Variants in CDC40 observed in about 807,000 individuals in gnomAD.
CDC40 encodes the protein cell division cycle 40, also known as pre-mRNA-processing factor 17.
A neutral mutation model predicts 80.6 loss-of-function variants in CDC40; 27 were observed. That is an observed-to-expected ratio of 0.33 (90% CI 0.25 to 0.46). The LOEUF (loss-of-function observed/expected upper bound fraction) is 0.46. CDC40 is among the 20% of genes least tolerant of loss of function. The probability of loss-of-function intolerance (pLI) is 1.00; values close to 1 mark genes in which losing one functional copy is unlikely to be tolerated. For synonymous variants in CDC40, 221 were observed against 232.6 expected (o/e 0.95, Z 0.45); for missense variants, 486 against 694.1 (o/e 0.70, Z 3.37).
chr6:110,197,867 A>G (rs1348355700), intron 2 of CDC40, among the ~76,000 whole-genome samples: 1 of 152,130 alleles, frequency 6.6e-6, no homozygotes, highest in East Asian at 1.9e-4. Context: ...GGGAATACAG[A>G]TATCTCTTTG....
At chr6:110,196,482 C>CA (rs1187885935) in intron 2 of CDC40, among the ~76,000 whole-genome samples, 1 of 151,980 alleles carries the variant, frequency 6.6e-6, no homozygotes, top group Admixed American at 6.6e-5. Context: ...TCTGCTTAGA[C>CA]AAAAATGTAT....
chr6:110,203,267 C>G (rs915650307), intron 3 of CDC40, among the ~76,000 whole-genome samples: 2 of 152,120 alleles, frequency 1.3e-5, no homozygotes, highest in Non-Finnish European at 2.9e-5. Flanking sequence ...TATATGACTT[C>G]TATTAGTTTG....
Position 110,231,523 on chromosome 6 carries a change from C to T in CDC40, c.*1392C>T, listed in dbSNP as rs1157170448. On this transcript the variant is annotated 3_prime_UTR_variant, in exon 15 of 15. Transcript: ENST00000307731. ...TCAAAAAATAAAATCAAGATAACCTCTTGAATGTAATAGCTCATAGCACTT... is the reference window on the plus strand; with the variant it reads ...TCAAAAAATAAAATCAAGATAACCTTTTGAATGTAATAGCTCATAGCACTT... 2 of 152,264 alleles carry T rather than the reference C, an allele frequency of 1.3e-5. No individual in the cohort carries two copies. The highest frequency in any genetic ancestry group is 6.5e-5 in the Admixed American group (1 of 15,282). 9.4% of individuals were successfully genotyped at this position (152,264 alleles called of 1,614,324 possible).
intron 10 of CDC40, among the ~76,000 whole-genome samples, chr6:110,218,118 TAACAG>T (rs1043613023): frequency 2.7e-4 from 41 of 152,314 alleles, no homozygotes; most frequent in African/African-American, 9.1e-4. Flanking sequence ...GCATTGCACA[TAACAG>T]AAGTGCAATA....
intron 2 of CDC40, among the ~76,000 whole-genome samples, chr6:110,199,526 A>G (rs143882484): frequency 0.072 from 10,960 of 151,418 alleles, 532 homozygotes; most frequent in African/African-American, 0.14. Flanking sequence ...CCCGGGAGGC[A>G]GAGCTTGCAG....
chr6:110,198,081 A>G, intron 2 of CDC40, among the ~76,000 whole-genome samples: 1 of 151,964 alleles, frequency 6.6e-6, no homozygotes, highest in East Asian at 1.9e-4. Context: ...TATCGTTTTT[A>G]TAATAGCTAC....
chr6:110,218,647 T>C (rs1171667382), intron 10 of CDC40, among the ~76,000 whole-genome samples: 2 of 152,194 alleles, frequency 1.3e-5, no homozygotes, highest in African/African-American at 2.4e-5. Flanking sequence ...AGAGCTTTAA[T>C]ATTACTGATG....
At chr6:110,208,946 A>G in intron 4 of CDC40, 138 bp from the exon 5 acceptor site, 1 of 616,284 alleles carries the variant, frequency 1.6e-6, no homozygotes, top group South Asian at 2.2e-5. Flanking sequence ...TTGTTTTTTA[A>G]TAACTCTGGG....
chr6:110,225,970 T>G (rs1190540526), intron 12 of CDC40, among the ~76,000 whole-genome samples, 197 bp from the exon 13 acceptor site: 1 of 152,228 alleles, frequency 6.6e-6, no homozygotes, highest in African/African-American at 2.4e-5. Flanking sequence ...AAGTGATTTA[T>G]GAAGTACAGG....
At chr6:110,192,104 G>A (rs113666439) in intron 1 of CDC40, among the ~76,000 whole-genome samples, 2,626 of 152,136 alleles carry the variant, frequency 0.017, 73 homozygotes, top group African/African-American at 0.059. Flanking sequence ...GGAGGTTACT[G>A]GGGGGTTTAG....
At chr6:110,189,583 C>G (rs558816363) in intron 1 of CDC40, among the ~76,000 whole-genome samples, 3 of 152,336 alleles carry the variant, frequency 2.0e-5, no homozygotes, top group African/African-American at 7.2e-5. Context: ...CCAAAGAGAG[C>G]ACTCCTCTTT....
At chr6:110,218,821 ATT>A (rs71865877) in intron 10 of CDC40, among the ~76,000 whole-genome samples, 28 of 134,054 alleles carry the variant, frequency 2.1e-4, no homozygotes, top group South Asian at 2.4e-4. Flanking sequence ...ATATTCAGTG[ATT>A]TTTTTTTTTT....
chr6:110,218,144 G>A (rs1470867314), intron 10 of CDC40, among the ~76,000 whole-genome samples: 2 of 152,158 alleles, frequency 1.3e-5, no homozygotes, highest in Admixed American at 6.5e-5. Flanking sequence ...AATGTCTAAT[G>A]AACAAAATTA....
At chr6:110,187,362 C>A (rs965176627) in intron 1 of CDC40, among the ~76,000 whole-genome samples, 2 of 152,216 alleles carry the variant, frequency 1.3e-5, no homozygotes, top group African/African-American at 2.4e-5. Context: ...CGAATGTATT[C>A]TTTGCCTTAG....
chr6:110,208,769 C>G (rs1400230474), intron 4 of CDC40, among the ~76,000 whole-genome samples: 1 of 152,090 alleles, frequency 6.6e-6, no homozygotes, highest in Non-Finnish European at 1.5e-5. Context: ...CTTTTTGATT[C>G]AATAAAAGGC....
At chr6:110,187,181 T>G (rs1435902327) in intron 1 of CDC40, among the ~76,000 whole-genome samples, 1 of 152,244 alleles carries the variant, frequency 6.6e-6, no homozygotes, top group Non-Finnish European at 1.5e-5. Context: ...GGTTTCACCA[T>G]GTTAGCCAAT....
At chr6:110,213,890 T>C (rs1200431915) in intron 8 of CDC40, among the ~76,000 whole-genome samples, 1 of 152,186 alleles carries the variant, frequency 6.6e-6, no homozygotes, top group Non-Finnish European at 1.5e-5. Flanking sequence ...CCAATGCATC[T>C]CAACCTGAAT....
chr6:110,209,062 A>AT lies in CDC40; in HGVS notation c.491-22_491-21insT, dbSNP rs1562204118. On this transcript the variant is annotated intron_variant, in intron 4 of 14. Coordinates refer to ENST00000307731, the MANE Select transcript of CDC40 (RefSeq NM_015891.3). ...TTTGTAATCTCTCAGTTTTTTTTTT[A>AT]ATTTTTTTTTTGTTAACGTAGGTTT... is the stretch of plus-strand genomic sequence containing the variant. The AT allele has an allele frequency of 2.0e-5, 27 of 1,318,924 alleles. No homozygotes were observed. The East Asian group carries it at 6.9e-4, about 34-fold the overall frequency. 81.7% of individuals were successfully genotyped at this position (1,318,924 alleles called of 1,614,324 possible).
chr6:110,194,904 A>G (rs949381340), intron 2 of CDC40, among the ~76,000 whole-genome samples: 6 of 152,230 alleles, frequency 3.9e-5, no homozygotes, highest in African/African-American at 1.4e-4. Context: ...GAAAAATTTA[A>G]AAGACCAGTT....
Sources: allele counts gnomAD v4.1 joint callset (sites outside exome capture counted in the v4.1 genomes callset), GRCh38; gene constraint gnomAD v4.1.1; transcripts MANE v1.5; gene names NCBI Gene and HGNC (gene_info 2026-07-23, HGNC 2026-07-21).